The following BAZ1B variants were observed in gnomAD, a reference collection of about 807,000 sequenced individuals.
BAZ1B encodes the protein bromodomain adjacent to zinc finger domain 1B, also known as tyrosine-protein kinase BAZ1B.
In BAZ1B, 22 loss-of-function variants were observed where a neutral mutation model predicts 153.8. The observed-to-expected ratio is 0.14, with a 90% confidence interval of 0.10 to 0.20. The LOEUF (loss-of-function observed/expected upper bound fraction) is 0.20. Among genes scored for constraint, BAZ1B ranks in the 10% least tolerant of loss-of-function variants. The pLI, the probability that BAZ1B is intolerant of heterozygous loss-of-function variation, is 1.00. For synonymous variants in BAZ1B, 676 were observed against 633.4 expected (o/e 1.07, Z -1.01); for missense variants, 1,325 against 1,799.3 (o/e 0.74, Z 4.77).
At chr7:73,476,686 C>T (rs1554572817) in intron 7 of BAZ1B, among the ~76,000 whole-genome samples, 182 bp downstream of exon 7, 1 of 152,194 alleles carries the variant, frequency 6.6e-6, no homozygotes, top group African/African-American at 2.4e-5. Flanking sequence ...AGGCTGAACA[C>T]TCCAGCTGAA....
At chr7:73,460,099 G>A (rs1583896151) in intron 12 of BAZ1B, among the ~76,000 whole-genome samples, 1 of 148,114 alleles carries the variant, frequency 6.8e-6, no homozygotes. Context: ...GGAAGCAGGA[G>A]AATCACTTGA....
intron 4 of BAZ1B, among the ~76,000 whole-genome samples, chr7:73,493,483 T>C (rs562639100): frequency 1.3e-5 from 2 of 151,042 alleles, no homozygotes; most frequent in African/African-American, 4.9e-5. Context: ...AAAAGAAAAA[T>C]ACTATGAGAA....
At chr7:73,513,046 C>A (rs1233819058) in intron 1 of BAZ1B, among the ~76,000 whole-genome samples, 2 of 152,086 alleles carry the variant, frequency 1.3e-5, no homozygotes, top group Non-Finnish European at 2.9e-5. Context: ...CCTTGACCTC[C>A]TGGGGTCAAG....
intron 4 of BAZ1B, among the ~76,000 whole-genome samples, chr7:73,498,011 G>C (rs1378024430): frequency 6.6e-6 from 1 of 151,508 alleles, no homozygotes; most frequent in African/African-American, 2.4e-5. Context: ...ACAGACTAGA[G>C]TGCAATGGTG....
chr7:73,477,145 C>T lies in BAZ1B; in HGVS notation c.2316G>A (p.Met772Ile). 1 of 1,614,234 alleles carries T rather than the reference C, an allele frequency of 6.2e-7. No homozygotes were observed. Residue 772 changes from methionine to isoleucine, a missense_variant, in exon 7 of 20, where the codon ATG becomes ATA. Transcript: ENST00000339594. This position sits in a 1 kb window ranked among gnomAD's most constrained non-coding sequence, Gnocchi z 5.6. ...GCCGTTCCTTCCACAACTCTGCAGA[C>T]ATCTGCTGTCTGGTCTCCATGTGGT... ...VQDHMETRQQ[M>I]SAELWKERLA...
intron 16 of BAZ1B, among the ~76,000 whole-genome samples, chr7:73,444,518 G>A (rs782630453): frequency 5.3e-5 from 8 of 152,192 alleles, no homozygotes; most frequent in South Asian, 2.1e-4. Context: ...CAGCCTGAGC[G>A]AGTGGATGTA....
In BAZ1B at chr7:73,476,822, C is replaced by T. The variant is rs967380800; in HGVS notation, c.2593+46G>A. ...TACCTCAGTAATTTCCTTTCTTTTACTATCTTCTACAGAGCTTCCCCTTTT... is the reference window on the plus strand; with the variant it reads ...TACCTCAGTAATTTCCTTTCTTTTATTATCTTCTACAGAGCTTCCCCTTTT... On this transcript the variant is annotated intron_variant, in intron 7 of 19. Transcript: ENST00000339594. 3 of 1,538,330 alleles carry T rather than the reference C, an allele frequency of 2.0e-6. No homozygotes were observed. The African/African-American group carries it at 4.2e-5, about 21-fold the overall frequency.
chr7:73,463,239 C>CTTTTTT (rs11340027), intron 11 of BAZ1B, 140 bp from the exon 12 acceptor site: 166 of 466,532 alleles, frequency 3.6e-4, no homozygotes, highest in African/African-American at 3.5e-3. Context: ...TTTCTTTTTT[C>CTTTTTT]TTTTTTTTTT....
chr7:73,493,343 C>T (rs1563391181), intron 4 of BAZ1B, among the ~76,000 whole-genome samples: 1 of 151,800 alleles, frequency 6.6e-6, no homozygotes, highest in Non-Finnish European at 1.5e-5. Context: ...CCCTATAATC[C>T]CAGCTACTCG....
At chr7:73,488,575 T>G (rs1027661511) in intron 6 of BAZ1B, among the ~76,000 whole-genome samples, 1 of 151,502 alleles carries the variant, frequency 6.6e-6, no homozygotes. Context: ...CTACTAAAAA[T>G]AGAAAAATTA....
intron 15 of BAZ1B, 44 bp from the exon 16 acceptor site, chr7:73,447,423 A>G (rs1787880048): frequency 6.4e-7 from 1 of 1,572,740 alleles, no homozygotes; most frequent in Non-Finnish European, 8.6e-7. Context: ...TTTTAGCCCA[A>G]AGTGGTCCTA....
At chr7:73,488,119 G>C (rs1176737029) in intron 6 of BAZ1B, among the ~76,000 whole-genome samples, 4 of 152,086 alleles carry the variant, frequency 2.6e-5, no homozygotes, top group Non-Finnish European at 4.4e-5. Flanking sequence ...AGTTTTAATG[G>C]ATCAAGAGCC....
intron 1 of BAZ1B, among the ~76,000 whole-genome samples, chr7:73,519,977 AT>A (rs1213796419): frequency 6.6e-6 from 1 of 152,088 alleles, no homozygotes; most frequent in Non-Finnish European, 1.5e-5. Context: ...GGAGGCCGAG[AT>A]GGGCGGATCA....
chr7:73,489,498 T>C (rs1789549325), intron 5 of BAZ1B, 107 bp from the exon 6 acceptor site: 4 of 1,097,008 alleles, frequency 3.6e-6, no homozygotes, highest in Middle Eastern at 4.7e-4. Context: ...TCCATCTATA[T>C]CAACAGGGCT....
intron 10 of BAZ1B, 57 bp from the exon 11 acceptor site, chr7:73,465,594 A>C: frequency 8.5e-7 from 1 of 1,172,968 alleles, no homozygotes; most frequent in African/African-American, 1.5e-5. Context: ...TTCAAAATCA[A>C]ACACTAAGCA....
intron 13 of BAZ1B, 74 bp from the exon 14 acceptor site, chr7:73,451,068 C>A: frequency 6.5e-7 from 1 of 1,549,770 alleles, no homozygotes. Context: ...GAACAGGGGA[C>A]AGTATGAGAG....
chr7:73,512,103 A>C (rs1278594263), intron 1 of BAZ1B, among the ~76,000 whole-genome samples: 1 of 149,442 alleles, frequency 6.7e-6, no homozygotes, highest in Non-Finnish European at 1.5e-5. Context: ...ACAGTCTCAC[A>C]GGCAGTTTGG....
rs1176275840 is a variant in BAZ1B, at chr7:73,478,181, C to T, written c.1280G>A (p.Gly427Glu). The change falls in exon 7 of 20, where the codon GGA (glycine) becomes GAA (glutamate). Residue 427 changes from glycine (G) to glutamate (E), a missense_variant. Gly to Glu is a moderately conservative substitution (Grantham distance 98, BLOSUM62 -2). Transcript: ENST00000339594. ...CATTTTGGTTTTAGGAGTCTTCAGTCCTTTTTTGGGAGATTTGGAATTCCC... is the reference window on the plus strand; with the variant it reads ...CATTTTGGTTTTAGGAGTCTTCAGTTCTTTTTTGGGAGATTTGGAATTCCC... ...STGNSKSPKK[G>E]LKTPKTKMKQ... 1.2e-6 allele frequency: 2 copies of T among 1,613,978 alleles called. No homozygotes were observed. The highest frequency in any genetic ancestry group is 1.3e-5 in the African/African-American group (1 of 74,882).
intron 10 of BAZ1B, among the ~76,000 whole-genome samples, chr7:73,465,908 C>G (rs1372109544): frequency 6.6e-6 from 1 of 152,104 alleles, no homozygotes; most frequent in Non-Finnish European, 1.5e-5. Flanking sequence ...AAACCTAGCT[C>G]GCTGCCTAAA....
Sources: allele counts gnomAD v4.1 joint callset (sites outside exome capture counted in the v4.1 genomes callset), GRCh38; gene constraint gnomAD v4.1.1; non-coding constraint Gnocchi (gnomAD v3.1); transcripts MANE v1.5; gene names NCBI Gene and HGNC (gene_info 2026-07-23, HGNC 2026-07-21).